FLNB: variants seen among roughly 807,000 people sequenced by gnomAD.
The protein encoded by FLNB is filamin-B.
FLNB carries 111 observed loss-of-function variants against 250.6 expected under a neutral mutation model. The observed-to-expected ratio is 0.44, with a 90% CI of 0.38 to 0.52. The LOEUF (loss-of-function observed/expected upper bound fraction) is 0.52, where lower values mean the gene tolerates loss of function less well. Ranked by LOEUF, FLNB falls within the 20% of genes least tolerant of loss-of-function variation. The pLI, the probability that FLNB is intolerant of heterozygous loss-of-function variation, is 0.00. For synonymous variants in FLNB, 1,302 were observed against 1,372.1 expected, an observed-to-expected ratio of 0.95 and a Z score of 1.13; for missense variants, 2,869 against 3,447.8, an observed-to-expected ratio of 0.83 and a Z score of 4.20.
At position 58,034,065 on chromosome 3, in the gene FLNB, T is replaced by C. The variant is rs577108098; in HGVS notation, c.292+25209T>C. On this transcript the variant is annotated intron_variant, in intron 1 of 45. Coordinates refer to ENST00000295956, the MANE Select transcript of FLNB (RefSeq NM_001457.4). ...TAGTAGAGACGGGGTTTCACCATGT[T>C]GGTCATGCTGGTCTCGAACTCCTGA... Among the ~76,000 whole-genome samples, 10 of 152,300 alleles carry C rather than the reference T, an allele frequency of 6.6e-5. No homozygotes were observed. The South Asian group carries it at 1.2e-3, about 19-fold the overall frequency.
rs747799294 is a variant in FLNB, at chr3:58,124,320, C to T, written c.3725-12C>T. 10 of 1,614,074 alleles carry T rather than the reference C, an allele frequency of 6.2e-6. No homozygotes were observed. In the South Asian group the frequency reaches 9.9e-5, roughly 16 times the overall value. On this transcript the variant is annotated splice_polypyrimidine_tract_variant and intron_variant, in intron 21 of 45. Transcript: ENST00000295956. ...TACTGGTGGCAGTGTTAGCTATGTGCTTGCTCTGCAGATGTGTTCCGGGAA... is the reference window on the plus strand; with the variant it reads ...TACTGGTGGCAGTGTTAGCTATGTGTTTGCTCTGCAGATGTGTTCCGGGAA...
intron 24 of FLNB, among the ~76,000 whole-genome samples, chr3:58,128,677 G>A (rs558603131): frequency 1.1e-4 from 17 of 152,180 alleles, no homozygotes; most frequent in Non-Finnish European, 2.2e-4. Flanking sequence ...GGCAACAGTG[G>A]AGATGAACAT....
At chr3:58,074,157 C>G (rs1430352999) in intron 1 of FLNB, among the ~76,000 whole-genome samples, 1 of 152,214 alleles carries the variant, frequency 6.6e-6, no homozygotes, top group East Asian at 1.9e-4. Context: ...CAGAATTACT[C>G]TTATGACCCA....
intron 1 of FLNB, among the ~76,000 whole-genome samples, chr3:58,034,696 G>C (rs916602075): frequency 1.1e-4 from 17 of 152,220 alleles, no homozygotes; most frequent in African/African-American, 4.1e-4. Flanking sequence ...CAAAAAGGGA[G>C]CTCATTGGCT....
intron 12 of FLNB, among the ~76,000 whole-genome samples, chr3:58,108,126 A>C (rs893613748): frequency 6.8e-6 from 1 of 146,812 alleles, no homozygotes; most frequent in Non-Finnish European, 1.5e-5. Context: ...AAACAAAAAC[A>C]AAAAAAAAAT....
intron 38 of FLNB, among the ~76,000 whole-genome samples, chr3:58,151,842 C>T (rs2097345620): frequency 6.6e-6 from 1 of 152,228 alleles, no homozygotes; most frequent in Non-Finnish European, 1.5e-5. Context: ...TGGGCTGGTG[C>T]ATTTCAGATG....
rs777025319 is a variant in FLNB at position 58,078,857 on chromosome 3, AC to A, written c.639+44del. ...AGGTCCTGTGAGGCTGCCCCCACCCACTAGCTTGTTCTGTGGATGCCTTCCC... is the reference window on the plus strand; with the variant it reads ...AGGTCCTGTGAGGCTGCCCCCACCCATAGCTTGTTCTGTGGATGCCTTCCC... On this transcript the variant is annotated intron_variant, in intron 3 of 45. Coordinates refer to ENST00000295956, the MANE Select transcript of FLNB (RefSeq NM_001457.4). 4 of 1,495,550 alleles carry A rather than the reference AC, an allele frequency of 2.7e-6. No individual in the cohort carries two copies. The East Asian group carries it at 9.3e-5, about 35-fold the overall frequency. The allele number at this position is 1,495,550 out of a possible 1,614,324, so 92.6% of individuals were successfully genotyped here.
intron 42 of FLNB, among the ~76,000 whole-genome samples, chr3:58,162,277 A>G (rs2097363101): frequency 6.6e-6 from 1 of 152,114 alleles, no homozygotes; most frequent in Non-Finnish European, 1.5e-5. Context: ...CTGGAGAGGT[A>G]GGAGGAGAAC....
intron 1 of FLNB, among the ~76,000 whole-genome samples, chr3:58,037,058 C>CTTTTT (rs549716136): frequency 4.8e-5 from 5 of 103,594 alleles, no homozygotes; most frequent in Non-Finnish European, 8.1e-5. Context: ...ACATTAGAGT[C>CTTTTT]TTTTTTTTTT....
At chr3:58,100,364 T>TA (rs1553696183) in intron 8 of FLNB, among the ~76,000 whole-genome samples, 1,046 of 25,516 alleles carry the variant, frequency 0.041, 36 homozygotes, top group Admixed American at 0.044. Context: ...TTTACATATG[T>TA]AAAAAAAAAA....
chr3:58,094,219 A>T (rs1176864781), intron 4 of FLNB, among the ~76,000 whole-genome samples: 3 of 152,236 alleles, frequency 2.0e-5, no homozygotes, highest in Admixed American at 2.0e-4. Flanking sequence ...AGCTGGGATT[A>T]CAGGCATGTG....
intron 1 of FLNB, among the ~76,000 whole-genome samples, chr3:58,020,118 C>T (rs1472669477): frequency 6.8e-6 from 1 of 147,378 alleles, no homozygotes; most frequent in Non-Finnish European, 1.5e-5. Flanking sequence ...TTGTTGAGAG[C>T]CAACTATGCC....
At chr3:58,085,383 T>C (rs2097215849) in intron 4 of FLNB, among the ~76,000 whole-genome samples, 1 of 152,270 alleles carries the variant, frequency 6.6e-6, no homozygotes, top group Admixed American at 6.5e-5. Context: ...GGGTCAGTTT[T>C]GGTCTTCTCT....
intron 43 of FLNB, chr3:58,165,026 A>C (rs2097368077): frequency 6.6e-6 from 1 of 152,166 alleles, no homozygotes. Flanking sequence ...CCTCCCAGCC[A>C]CTCAGGAGTA....
intron 15 of FLNB, 149 bp downstream of exon 15, chr3:58,109,848 C>A: frequency 2.2e-6 from 3 of 1,387,894 alleles, no homozygotes; most frequent in Non-Finnish European, 2.0e-6. Flanking sequence ...TTAGTGATAT[C>A]TTTGCTAATC....
intron 12 of FLNB, 23 bp downstream of exon 12, chr3:58,106,896 G>A (rs377699670): frequency 1.9e-6 from 3 of 1,607,838 alleles, no homozygotes; most frequent in Non-Finnish European, 1.7e-6. Flanking sequence ...CTGTGCTTCT[G>A]TCTTCTTGTC....
intron 1 of FLNB, among the ~76,000 whole-genome samples, chr3:58,065,061 C>G (rs1207175252): frequency 3.3e-5 from 5 of 152,178 alleles, no homozygotes; most frequent in Non-Finnish European, 7.3e-5. Context: ...AAAAAATTCC[C>G]CAGTTCTCAG....
chr3:58,093,748 T>C (rs1276750517), intron 4 of FLNB, among the ~76,000 whole-genome samples: 1 of 152,038 alleles, frequency 6.6e-6, no homozygotes, highest in East Asian at 1.9e-4. Context: ...ATGGTTAAAC[T>C]GTGGTACATC....
chr3:58,044,102 A>G (rs1157470451), intron 1 of FLNB, among the ~76,000 whole-genome samples: 1 of 152,104 alleles, frequency 6.6e-6, no homozygotes, highest in Admixed American at 6.5e-5. Context: ...GGAGAACCTG[A>G]TTCGGCTTGG....
Sources: allele counts gnomAD v4.1 joint callset (sites outside exome capture counted in the v4.1 genomes callset), GRCh38; gene constraint gnomAD v4.1.1; transcripts MANE v1.5; gene names NCBI Gene and HGNC (gene_info 2026-07-23, HGNC 2026-07-21).